Variants in GALNT14 observed in about 807,000 individuals in gnomAD.
GALNT14 encodes the protein UDP-GalNAc:polypeptide N-acetylgalactosaminyltransferase 14.
Under a neutral mutation model 77.5 loss-of-function variants are expected in GALNT14, and 60 were observed. The observed-to-expected ratio is 0.77, with a 90% CI of 0.63 to 0.96. GALNT14 has a LOEUF of 0.96. Among genes scored for constraint, GALNT14 ranks in the 40% least tolerant of loss-of-function variants. The probability of loss-of-function intolerance (pLI) is 0.00; values close to 1 mark genes in which losing one functional copy is unlikely to be tolerated. For synonymous variants in GALNT14, 280 were observed against 281.7 expected (o/e 0.99, Z 0.06); for missense variants, 710 against 731.0 (o/e 0.97, Z 0.33).
chr2:31,013,561 A>C (rs1201253230), intron 1 of GALNT14, among the ~76,000 whole-genome samples: 1 of 152,178 alleles, frequency 6.6e-6, no homozygotes, highest in Admixed American at 6.5e-5. Flanking sequence ...AAGCATTTTA[A>C]CCTGCTGAGG....
At chr2:30,887,572 T>C in the GALNT14 span, among the ~76,000 whole-genome samples, 1 of 152,186 alleles carries the variant, frequency 6.6e-6, no homozygotes, top group Non-Finnish European at 1.5e-5. Context: ...AGTTGTCTTT[T>C]TGTTGTCCAG....
chr2:30,951,072 A>C (rs1415358316), intron 6 of GALNT14, among the ~76,000 whole-genome samples: 1 of 152,234 alleles, frequency 6.6e-6, no homozygotes, highest in Admixed American at 6.5e-5. Flanking sequence ...TACACCCCCA[A>C]ATAATTGAAA....
chr2:31,106,447 C>T (rs1677566486), intron 1 of GALNT14, among the ~76,000 whole-genome samples: 1 of 152,080 alleles, frequency 6.6e-6, no homozygotes, highest in Non-Finnish European at 1.5e-5. Context: ...CATCTATGTT[C>T]CACACTGCAT....
intron 13 of GALNT14, among the ~76,000 whole-genome samples, chr2:30,915,444 C>G (rs1483488523): frequency 1.3e-5 from 2 of 152,106 alleles, no homozygotes; most frequent in Non-Finnish European, 2.9e-5. Flanking sequence ...CTCGTCATGT[C>G]CCAGAGGAAG....
In GALNT14 at chr2:30,958,406, T is replaced by C; in HGVS notation, c.457A>G (p.Ser153Gly). The C allele has an allele frequency of 1.9e-6, 3 of 1,613,728 alleles. No individual in the cohort carries two copies. The highest frequency in any genetic ancestry group is 2.5e-6 in the Non-Finnish European group (3 of 1,179,600). The change falls in exon 4 of 15, where the codon AGC becomes GGC. Residue 153 changes from serine (S) to glycine (G), a missense_variant. Ser to Gly is a moderately conservative substitution (Grantham distance 56, BLOSUM62 0). Coordinates refer to ENST00000349752, the MANE Select transcript of GALNT14 (RefSeq NM_024572.4). ...GAGCAACATGACTTACGGTCATTGC[T>C]GAAGTCATCCACTAATATGATTTCC... ...IREIILVDDF[S>G]NDPDDCKQLI...
rs543149402 is a variant in GALNT14 at position 31,039,637 on chromosome 2, C to G, written c.130-46630G>C. Among the ~76,000 whole-genome samples, 19 of 152,314 alleles carry G rather than the reference C, an allele frequency of 1.2e-4. 1 individual carries two copies. The South Asian group carries it at 3.9e-3, about 32-fold the overall frequency. On this transcript the variant is annotated intron_variant, in intron 1 of 14. Transcript: ENST00000349752. Reference sequence around the variant, plus strand: ...CTGATAGAACCTCAGGCCTATTTGCCTAGTCCTGTCATTTATGAAGGGAGA... The same window carrying G: ...CTGATAGAACCTCAGGCCTATTTGCGTAGTCCTGTCATTTATGAAGGGAGA...
Position 31,059,018 on chromosome 2 carries a change from G to A in GALNT14, c.130-66011C>T, listed in dbSNP as rs114528022. Among the ~76,000 whole-genome samples the A allele has an allele frequency of 1.8e-3, 281 of 152,184 alleles. 1 individual carries two copies. Among genetic ancestry groups the A allele is most frequent in the African/African-American group, 6.5e-3 (270 of 41,520 alleles). On this transcript the variant is annotated intron_variant, in intron 1 of 14. Coordinates refer to ENST00000349752, the MANE Select transcript of GALNT14 (RefSeq NM_024572.4). ...AACAGAAAAGGCATTGAAGAGATACGGTCATCTGCCTACCAGCCATTGAGT... is the reference window on the plus strand; with the variant it reads ...AACAGAAAAGGCATTGAAGAGATACAGTCATCTGCCTACCAGCCATTGAGT...
intron 13 of GALNT14, among the ~76,000 whole-genome samples, chr2:30,917,416 C>G (rs1664753250): frequency 6.6e-6 from 1 of 152,196 alleles, no homozygotes. Context: ...CCTAGTCTCA[C>G]CTGAAGGGCT....
intron 1 of GALNT14, among the ~76,000 whole-genome samples, chr2:31,009,842 A>G (rs954008443): frequency 4.6e-5 from 7 of 151,956 alleles, no homozygotes; most frequent in Non-Finnish European, 7.4e-5. Context: ...ACCCATCCCC[A>G]TGTCCTGTTG....
chr2:30,935,445 C>T (rs561108735), intron 9 of GALNT14, among the ~76,000 whole-genome samples: 1 of 152,208 alleles, frequency 6.6e-6, no homozygotes, highest in South Asian at 2.1e-4. Flanking sequence ...CATCTCAGGT[C>T]TCCTTCAGGC....
chr2:30,908,811 C>G (rs1300230291), downstream of GALNT14, among the ~76,000 whole-genome samples: 12 of 144,596 alleles, frequency 8.3e-5, no homozygotes, highest in Admixed American at 1.4e-4. Context: ...TCAAACTATA[C>G]TACAAGGCTA....
the GALNT14 span, among the ~76,000 whole-genome samples, chr2:30,898,954 C>T: frequency 9.4e-4 from 143 of 152,288 alleles, no homozygotes; most frequent in African/African-American, 3.2e-3. Flanking sequence ...AATGGAGGGG[C>T]GCTATTTTCT....
chr2:31,015,932 C>T (rs947102047), intron 1 of GALNT14, among the ~76,000 whole-genome samples: 3 of 152,178 alleles, frequency 2.0e-5, no homozygotes, highest in South Asian at 2.1e-4. Context: ...GCTGCCTAAA[C>T]GAGACCTTGA....
chr2:30,932,158 A>G lies in GALNT14; in HGVS notation c.968T>C (p.Leu323Pro). The G allele has an allele frequency of 1.3e-6, 2 of 1,556,954 alleles. No individual in the cohort carries two copies. Among genetic ancestry groups the G allele is most frequent in the Non-Finnish European group, 1.7e-6 (2 of 1,151,676 alleles). ...SFRVWMCGGS[L>P]EIVPCSRVGH... Reference sequence around the variant, plus strand: ...CACTCGGCTGCAGGGGACGATCTCTAGGCTGCCCCCGCACATCCACACTCG... The same window carrying G: ...CACTCGGCTGCAGGGGACGATCTCTGGGCTGCCCCCGCACATCCACACTCG... The change falls in exon 10 of 15, where the codon CTA becomes CCA. Residue 323 changes from leucine (L) to proline (P), a missense_variant. Leu to Pro is a moderately conservative substitution (Grantham distance 98). Transcript: ENST00000349752.
At chr2:31,057,467 C>A (rs948692917) in intron 1 of GALNT14, among the ~76,000 whole-genome samples, 4 of 137,604 alleles carry the variant, frequency 2.9e-5, no homozygotes, top group African/African-American at 5.5e-5. Flanking sequence ...TATATATATA[C>A]CTTGTGTAAA....
At chr2:31,131,363 C>A (rs1678985724) in intron 1 of GALNT14, among the ~76,000 whole-genome samples, 1 of 152,126 alleles carries the variant, frequency 6.6e-6, no homozygotes, top group Admixed American at 6.5e-5. Flanking sequence ...ACGGGCATGT[C>A]CAGACTCACT....
chr2:30,921,183 C>A (rs1665010188), intron 13 of GALNT14, among the ~76,000 whole-genome samples: 2 of 152,156 alleles, frequency 1.3e-5, no homozygotes, highest in Non-Finnish European at 2.9e-5. Flanking sequence ...CTCGGAGGCC[C>A]ACAGAGACCT....
intron 1 of GALNT14, among the ~76,000 whole-genome samples, chr2:31,068,175 G>A (rs1291237778): frequency 6.6e-6 from 1 of 152,160 alleles, no homozygotes; most frequent in African/African-American, 2.4e-5. Flanking sequence ...CTGAGAGAAG[G>A]CAGCTGTAGA....
chr2:31,006,739 C>A (rs1475541784), intron 1 of GALNT14, among the ~76,000 whole-genome samples: 1 of 152,168 alleles, frequency 6.6e-6, no homozygotes, highest in Non-Finnish European at 1.5e-5. Context: ...TCCACGTGCC[C>A]AAAGGTGCTA....
Sources: allele counts gnomAD v4.1 joint callset (sites outside exome capture counted in the v4.1 genomes callset), GRCh38; gene constraint gnomAD v4.1.1; transcripts MANE v1.5; gene names NCBI Gene and HGNC (gene_info 2026-07-23, HGNC 2026-07-21).